The following IFT140 variants were observed in gnomAD, a reference collection of about 807,000 sequenced individuals.
IFT140 encodes intraflagellar transport protein 140 homolog.
Under a neutral mutation model 164.6 loss-of-function variants are expected in IFT140, and 133 were observed. That is an observed-to-expected ratio of 0.81 (90% CI 0.70 to 0.93). IFT140 has a LOEUF of 0.93. Ranked by LOEUF, IFT140 falls within the 40% of genes least tolerant of loss-of-function variation. IFT140 has a pLI of 0.00. For missense variants in IFT140, 2,045 were observed against 1,972.3 expected, an observed-to-expected ratio of 1.04 and a Z score of -0.70; for synonymous variants, 860 against 817.3, an observed-to-expected ratio of 1.05 and a Z score of -0.89.
rs8051454 is a variant in IFT140, at chr16:1,517,589, G to C, written c.4182+627C>G. Among the ~76,000 whole-genome samples, 30 of 152,278 alleles carry C rather than the reference G, an allele frequency of 2.0e-4. No individual in the cohort carries two copies. The South Asian group carries it at 5.6e-3, about 28-fold the overall frequency. Reference sequence around the variant, plus strand: ...GGGATGAGGAAAACGCTAGAACACTGCGGCTGAATAAGTGATTAGCTGGTC... The same window carrying C: ...GGGATGAGGAAAACGCTAGAACACTCCGGCTGAATAAGTGATTAGCTGGTC... On this transcript the variant is annotated intron_variant, in intron 30 of 30. Coordinates refer to ENST00000426508, the MANE Select transcript of IFT140 (RefSeq NM_014714.4).
chr16:1,604,318 G>GTGTGTGTGTGTGTGTGTGTGTGTGTGT (rs765604573), intron 3 of IFT140: 23 of 67,334 alleles, frequency 3.4e-4, no homozygotes, highest in Admixed American at 2.1e-3. Context: ...TGTGTGTGTG[G>GTGTGTGTGTGTGTGTGTGTGTGTGTGT]AGGGGGGAGC....
chr16:1,550,389 G>A (rs1446267532), intron 19 of IFT140, among the ~76,000 whole-genome samples: 3 of 152,232 alleles, frequency 2.0e-5, no homozygotes, highest in African/African-American at 4.8e-5. Flanking sequence ...TGCTCTAAAC[G>A]ACGCATTTTC....
At chr16:1,552,034 C>G (rs79038790) in intron 19 of IFT140, among the ~76,000 whole-genome samples, 1 of 152,164 alleles carries the variant, frequency 6.6e-6, no homozygotes, top group Non-Finnish European at 1.5e-5. Flanking sequence ...AACCGCAGAC[C>G]GTGAGGGAGG....
chr16:1,564,521 C>T lies in IFT140; in HGVS notation c.1902-359G>A, dbSNP rs73497602. ...AGGTGGGATGGCACCCCCTGCTGGG[C>T]GGGGTCGAGGCTTTGGCTCTGTGGT... On this transcript the variant is annotated intron_variant, in intron 16 of 30. Coordinates refer to ENST00000426508, the MANE Select transcript of IFT140 (RefSeq NM_014714.4). The surrounding 1 kb of genome is among the most constrained non-coding windows in gnomAD (Gnocchi z 5.5). Among the ~76,000 whole-genome samples, 644 of 152,288 alleles carry T rather than the reference C, an allele frequency of 4.2e-3. 6 individuals are homozygous for T. The highest frequency in any genetic ancestry group is 0.014 in the African/African-American group (597 of 41,560).
intron 13 of IFT140, among the ~76,000 whole-genome samples, chr16:1,575,243 T>G (rs8045127): frequency 0.26 from 39,845 of 151,228 alleles, 5,830 homozygotes; most frequent in African/African-American, 0.4. Context: ...GGCATGGTGA[T>G]TGGCACCTGT....
intron 19 of IFT140, among the ~76,000 whole-genome samples, chr16:1,535,973 G>A (rs1475117240): frequency 6.6e-6 from 1 of 152,274 alleles, no homozygotes; most frequent in Admixed American, 6.5e-5. Flanking sequence ...GCTGAAGAAG[G>A]AGCCGCAGCC....
In IFT140 at chr16:1,526,748, C is replaced by A. The variant is rs759802716; in HGVS notation, c.2448G>T (p.Arg816=). ...CCAGGCACACCTTGGCCACGTCCAGCCGCTGGGTCTTCACGCACATGCGCG... is the reference window on the plus strand; with the variant it reads ...CCAGGCACACCTTGGCCACGTCCAGACGCTGGGTCTTCACGCACATGCGCG... ...NMARMCVKTQ[R]LDVAKVCLGN... The change falls in exon 20 of 31, where the codon CGG becomes CGT. Residue 816 remains arginine (R), a synonymous_variant. Coordinates refer to ENST00000426508, the MANE Select transcript of IFT140 (RefSeq NM_014714.4). 3 of 1,610,060 alleles carry A rather than the reference C, an allele frequency of 1.9e-6. No homozygotes were observed. Among genetic ancestry groups the A allele is most frequent in the Non-Finnish European group, 2.5e-6 (3 of 1,179,032 alleles).
intron 13 of IFT140, among the ~76,000 whole-genome samples, chr16:1,574,997 G>C (rs568655911): frequency 2.0e-5 from 3 of 152,116 alleles, no homozygotes; most frequent in Non-Finnish European, 2.9e-5. Flanking sequence ...GGGTCATGAG[G>C]GATCACTAAC....
In IFT140 at chr16:1,607,127, A is replaced by C. The variant is rs1412630717; in HGVS notation, c.140T>G (p.Leu47Arg). 1.9e-6 allele frequency: 3 copies of C among 1,613,972 alleles called. No homozygotes were observed. The highest frequency in any genetic ancestry group is 2.5e-6 in the Non-Finnish European group (3 of 1,179,974). The part of the protein sequence containing the change: ...TTSTGSVDIY[L>R]EQGECVPDTH... ...TTGCTTCTGAGCACTCACTTGCTCCAGGTAAATATCCACGCTGCCTGTTGA... is the reference window on the plus strand; with the variant it reads ...TTGCTTCTGAGCACTCACTTGCTCCCGGTAAATATCCACGCTGCCTGTTGA... Residue 47 changes from leucine (L) to arginine (R), a missense_variant, in exon 3 of 31, where the codon CTG (leucine) becomes CGG (arginine). Physicochemically the swap from Leu to Arg is moderately radical, Grantham distance 102. Transcript: ENST00000426508.
At chr16:1,582,226 G>C (rs950632666) in intron 12 of IFT140, among the ~76,000 whole-genome samples, 1 of 152,152 alleles carries the variant, frequency 6.6e-6, no homozygotes, top group Non-Finnish European at 1.5e-5. Context: ...GTAAGGTCTT[G>C]GGATGGGGAG....
Position 1,520,379 on chromosome 16 carries a change from G to A in IFT140, c.3661-36C>T. 1.9e-6 allele frequency: 3 copies of A among 1,604,744 alleles called. No individual in the cohort carries two copies. The South Asian group carries it at 3.3e-5, about 18-fold the overall frequency. The stretch of plus-strand genomic sequence containing the variant: ...AGACAGCGGGGCTCAGGCAAGCAGG[G>A]GCTGGGCCGGGACAAGCACAAGGGA... On this transcript the variant is annotated intron_variant, in intron 27 of 30. Transcript: ENST00000426508.
chr16:1,564,248 C>A lies in IFT140; in HGVS notation c.1902-86G>T. ...CTCCCACACACATTCCCGAAGCCTCCAGGTGCTGTCCCAGACCATGGTGTC... is the reference window on the plus strand; with the variant it reads ...CTCCCACACACATTCCCGAAGCCTCAAGGTGCTGTCCCAGACCATGGTGTC... On this transcript the variant is annotated intron_variant, in intron 16 of 30. Transcript: ENST00000426508. This position sits in a 1 kb window ranked among gnomAD's most constrained non-coding sequence, Gnocchi z 5.5. 2 of 1,244,010 alleles carry A rather than the reference C, an allele frequency of 1.6e-6. No individual in the cohort carries two copies. 77.1% of individuals were successfully genotyped at this position (1,244,010 alleles called of 1,614,324 possible).
chr16:1,553,587 G>C lies in IFT140; in HGVS notation c.2399+4348C>G. Reference sequence around the variant, plus strand: ...AATCTGGACCAGTGTAAGTTACAGAGAGTCTCTGGCACTTTGGGTACAAGA... The same window carrying C: ...AATCTGGACCAGTGTAAGTTACAGACAGTCTCTGGCACTTTGGGTACAAGA... On this transcript the variant is annotated intron_variant, in intron 19 of 30. Coordinates refer to ENST00000426508, the MANE Select transcript of IFT140 (RefSeq NM_014714.4). The surrounding 1 kb of genome is among the most constrained non-coding windows in gnomAD (Gnocchi z 4.4). 1 of 1,023,410 alleles carries C rather than the reference G, an allele frequency of 9.8e-7. No individual in the cohort carries two copies. The highest frequency in any genetic ancestry group is 1.2e-6 in the Non-Finnish European group (1 of 851,206). The allele number at this position is 1,023,410 out of a possible 1,614,324, so 63.4% of individuals were successfully genotyped here.
chr16:1,607,945 AAAC>A, intron 2 of IFT140, among the ~76,000 whole-genome samples: 1 of 152,340 alleles, frequency 6.6e-6, no homozygotes, highest in East Asian at 1.9e-4. Context: ...ACTGCCTTTT[AAAC>A]AACATTTTCA....
At chr16:1,587,351 G>C in intron 8 of IFT140, 47 bp from the exon 9 acceptor site, 2 of 1,237,872 alleles carry the variant, frequency 1.6e-6, no homozygotes. Context: ...TGTTAGTGGC[G>C]TTTCCCTCTG....
chr16:1,534,147 G>T, intron 19 of IFT140: 4 of 1,240,758 alleles, frequency 3.2e-6, no homozygotes, highest in Non-Finnish European at 3.3e-6. Context: ...ATGGGCCTCC[G>T]CCCGCGCCGC....
chr16:1,591,325 C>G (rs1477934766), intron 6 of IFT140, among the ~76,000 whole-genome samples: 1 of 152,194 alleles, frequency 6.6e-6, no homozygotes, highest in Non-Finnish European at 1.5e-5. Flanking sequence ...ACTCGGATGT[C>G]CCCACTGGGA....
chr16:1,515,903 G>A (rs190905927), intron 30 of IFT140, among the ~76,000 whole-genome samples: 11 of 152,176 alleles, frequency 7.2e-5, no homozygotes, highest in Non-Finnish European at 1.5e-4. Context: ...CGCTTTGGGA[G>A]GCCGAGGCAG....
rs12447152 is a variant in IFT140, at chr16:1,534,691, C to T, written c.2400-7895G>A. 9,819 of 1,281,816 alleles carry T rather than the reference C, an allele frequency of 7.7e-3. 1,230 individuals are homozygous for T. In the Admixed American group the frequency reaches 0.21, roughly 27 times the overall value. The allele number at this position is 1,281,816 out of a possible 1,614,324, so 79.4% of individuals were successfully genotyped here. A position where few individuals can be genotyped will look rare whatever the true frequency, so the allele number is the denominator to read the frequency against. On this transcript the variant is annotated intron_variant, in intron 19 of 30. Coordinates refer to ENST00000426508, the MANE Select transcript of IFT140 (RefSeq NM_014714.4). ...GCCCTGAGCGTGGCCTCTGGGCAGG[C>T]AGGAGGGGGCACTGTGTCTCCCAGG...
Sources: gnomAD v4.1 joint callset for allele counts (sites outside exome capture counted in the v4.1 genomes callset) on GRCh38, gnomAD v4.1.1 for gene constraint, Gnocchi (gnomAD v3.1) non-coding constraint, MANE v1.5 for transcripts, NCBI Gene and HGNC (gene_info 2026-07-23, HGNC 2026-07-21) for gene names.